EXT1: variants seen among roughly 807,000 people sequenced by gnomAD.
EXT1 encodes exostosin-1.
Under a neutral mutation model 82.5 loss-of-function variants are expected in EXT1, and 20 were observed. The observed-to-expected ratio is 0.24, with a 90% CI of 0.17 to 0.35. The LOEUF (loss-of-function observed/expected upper bound fraction) is 0.35, where lower values mean the gene tolerates loss of function less well. Among genes scored for constraint, EXT1 ranks in the 10% least tolerant of loss-of-function variants. The pLI is 1.00. For synonymous variants in EXT1, 348 were observed against 350.8 expected, an observed-to-expected ratio of 0.99 and a Z score of 0.09; for missense variants, 757 against 936.5, an observed-to-expected ratio of 0.81 and a Z score of 2.50.
chr8:118,051,977 G>A (rs1816725483), intron 1 of EXT1, among the ~76,000 whole-genome samples: 1 of 152,188 alleles, frequency 6.6e-6, no homozygotes, highest in Admixed American at 6.5e-5. Flanking sequence ...GTCGGCAAGG[G>A]TGTGGAAGCA....
chr8:118,006,194 G>A (rs1815771288), intron 1 of EXT1, among the ~76,000 whole-genome samples: 1 of 152,212 alleles, frequency 6.6e-6, no homozygotes, highest in African/African-American at 2.4e-5. Flanking sequence ...TTTGCAAGGA[G>A]TGAGTCTACT....
rs1328220647 is a variant in EXT1, at chr8:117,818,475, G to A, written c.1592C>T (p.Ala531Val). 6.2e-7 allele frequency: 1 copy of A among 1,614,158 alleles called. No homozygotes were observed. The highest frequency in any genetic ancestry group is 1.3e-5 in the African/African-American group (1 of 75,036). ...KPLPAKHRWPATAVPVVVIEG... is the reference protein window; with the variant it reads ...KPLPAKHRWPVTAVPVVVIEG... ...AATGACGACGACAGGCACAGCAGTG[G>A]CAGGCCAGCGGTGTTTGGCTGGTAG... Residue 531 changes from alanine to valine, a missense_variant, in exon 7 of 11, where the codon GCC (alanine) becomes GTC (valine). Around this residue, in one of 4 missense-constraint regions of EXT1, gnomAD observed 207 missense variants for 224.2 expected, o/e 0.92. Transcript: ENST00000378204.
chr8:118,049,318 A>G (rs969819375), intron 1 of EXT1, among the ~76,000 whole-genome samples: 2 of 152,224 alleles, frequency 1.3e-5, no homozygotes, highest in South Asian at 2.1e-4. Flanking sequence ...GTGCTACCAC[A>G]TATATTAGTA....
At chr8:118,082,529 C>G (rs1033414572) in intron 1 of EXT1, among the ~76,000 whole-genome samples, 6 of 152,114 alleles carry the variant, frequency 3.9e-5, no homozygotes, top group Non-Finnish European at 8.8e-5. Flanking sequence ...TAAACCTCCC[C>G]CAAAATAAAA....
intron 1 of EXT1, among the ~76,000 whole-genome samples, chr8:117,998,247 C>T (rs991877020): frequency 2.0e-5 from 3 of 152,114 alleles, no homozygotes; most frequent in Middle Eastern, 3.4e-3. Flanking sequence ...CTCCTGACCT[C>T]GTGATCCACC....
chr8:117,813,047 C>A (rs1823356461), intron 7 of EXT1, 86 bp from the exon 8 acceptor site: 1 of 1,052,778 alleles, frequency 9.5e-7, no homozygotes, highest in African/African-American at 1.6e-5. Context: ...ATTCTCCCAT[C>A]CTCACCTGCA....
intron 1 of EXT1, among the ~76,000 whole-genome samples, chr8:118,063,851 TTTATTTAC>T (rs1257371280): frequency 2.7e-5 from 4 of 149,756 alleles, no homozygotes; most frequent in African/African-American, 5.1e-5. Context: ...CTACACTTTA[TTTATTTAC>T]TTATTTATTT....
chr8:117,930,784 C>T (rs550539745), intron 1 of EXT1, among the ~76,000 whole-genome samples: 1 of 151,986 alleles, frequency 6.6e-6, no homozygotes. Flanking sequence ...AGTCATAGGG[C>T]GAGATAGGAG....
chr8:117,848,272 T>C (rs1812397657), intron 1 of EXT1, among the ~76,000 whole-genome samples: 2 of 152,200 alleles, frequency 1.3e-5, no homozygotes, highest in East Asian at 3.8e-4. Context: ...TTTACAGGAA[T>C]ATCTTTGCAT....
intron 1 of EXT1, among the ~76,000 whole-genome samples, chr8:118,040,811 T>G (rs1381862707): frequency 2.0e-5 from 3 of 152,214 alleles, no homozygotes; most frequent in Non-Finnish European, 4.4e-5. Flanking sequence ...TGCCCTTGTT[T>G]AATAAAAAGC....
intron 1 of EXT1, among the ~76,000 whole-genome samples, chr8:118,107,766 C>A (rs1249908673): frequency 2.0e-5 from 3 of 152,138 alleles, no homozygotes; most frequent in African/African-American, 4.8e-5. Context: ...ACAAATAATT[C>A]TGCTAACCCA....
At chr8:117,846,208 A>G (rs139420394) in intron 1 of EXT1, among the ~76,000 whole-genome samples, 105 of 152,212 alleles carry the variant, frequency 6.9e-4, no homozygotes, top group Non-Finnish European at 1.1e-3. Flanking sequence ...CCTGGGTTCA[A>G]GTGATTCTTG....
At chr8:118,098,227 C>T (rs1817654728) in intron 1 of EXT1, among the ~76,000 whole-genome samples, 3 of 152,246 alleles carry the variant, frequency 2.0e-5, no homozygotes, top group Non-Finnish European at 2.9e-5. Flanking sequence ...GCCTGCTACA[C>T]GTCCAAGCTA....
chr8:118,059,953 C>T (rs1462880488), intron 1 of EXT1, among the ~76,000 whole-genome samples: 3 of 152,102 alleles, frequency 2.0e-5, no homozygotes, highest in South Asian at 2.1e-4. Flanking sequence ...AAACTGTTCA[C>T]CAAAGAACAC....
chr8:117,867,816 T>C (rs1264924660), intron 1 of EXT1, among the ~76,000 whole-genome samples: 2 of 152,226 alleles, frequency 1.3e-5, no homozygotes, highest in African/African-American at 4.8e-5. Flanking sequence ...TCAATGTGTA[T>C]GAACACCACC....
chr8:117,951,561 T>C (rs1457089150), intron 1 of EXT1, among the ~76,000 whole-genome samples: 1 of 152,154 alleles, frequency 6.6e-6, no homozygotes, highest in Non-Finnish European at 1.5e-5. Context: ...CTGCTGCCTA[T>C]GGAAAAAGAC....
In EXT1 at chr8:117,987,515, T is replaced by G. The variant is rs541004984; in HGVS notation, c.962+122570A>C. ...CAGCCTAGCACAGCAGGTAAAAGTT[T>G]ACGAGAAGAGCATGGCTGCACAGCT... On this transcript the variant is annotated intron_variant, in intron 1 of 10. Coordinates refer to ENST00000378204, the MANE Select transcript of EXT1 (RefSeq NM_000127.3). 2.0e-5 allele frequency among the ~76,000 whole-genome samples: 3 copies of G among 152,312 alleles called. No homozygotes were observed. The East Asian group carries it at 5.8e-4, about 29-fold the overall frequency.
chr8:117,816,692 G>A (rs891699389), intron 7 of EXT1, among the ~76,000 whole-genome samples: 5 of 152,208 alleles, frequency 3.3e-5, no homozygotes, highest in East Asian at 3.9e-4. Flanking sequence ...AGAAAGAAAC[G>A]GGGAGTTTCT....
intron 1 of EXT1, among the ~76,000 whole-genome samples, chr8:117,901,749 T>G (rs1437922062): frequency 6.6e-6 from 1 of 152,098 alleles, no homozygotes; most frequent in Non-Finnish European, 1.5e-5. Flanking sequence ...TAGGCTGGAG[T>G]GCAGTAGCAC....
Sources: gnomAD v4.1 joint callset for allele counts (sites outside exome capture counted in the v4.1 genomes callset) on GRCh38, gnomAD v4.1.1 for gene constraint, gnomAD v4.1.1 regional missense constraint, MANE v1.5 for transcripts, NCBI Gene and HGNC (gene_info 2026-07-23, HGNC 2026-07-21) for gene names.